The following IPO7 variants were observed in gnomAD, a reference collection of about 807,000 sequenced individuals.
IPO7 encodes importin-7.
A neutral mutation model predicts 136.4 loss-of-function variants in IPO7; 13 were observed. The observed-to-expected ratio is 0.10, with a 90% confidence interval of 0.06 to 0.15. The LOEUF (loss-of-function observed/expected upper bound fraction) is 0.15, where lower values mean the gene tolerates loss of function less well. IPO7 is among the 10% of genes least tolerant of loss of function. The pLI is 1.00. For synonymous variants in IPO7, 403 were observed against 404.4 expected (o/e 1.00, Z 0.04); for missense variants, 857 against 1,240.6 (o/e 0.69, Z 4.65).
At chr11:9,393,589 G>A (rs545155121) in intron 1 of IPO7, among the ~76,000 whole-genome samples, 2 of 152,124 alleles carry the variant, frequency 1.3e-5, no homozygotes, top group African/African-American at 2.4e-5. Flanking sequence ...CATCACGTTG[G>A]CCAGGCTGGT....
chr11:9,420,306 G>T, intron 6 of IPO7, 105 bp from the exon 7 acceptor site: 1 of 666,788 alleles, frequency 1.5e-6, no homozygotes, highest in Non-Finnish European at 2.6e-6. Flanking sequence ...AAAAAAAAAA[G>T]GCCAGCATTA....
intron 23 of IPO7, among the ~76,000 whole-genome samples, chr11:9,441,717 C>G (rs1855461985): frequency 6.6e-6 from 1 of 152,166 alleles, no homozygotes; most frequent in Non-Finnish European, 1.5e-5. Flanking sequence ...CCACAGTAGC[C>G]TTGATGATTT....
chr11:9,425,052 C>T (rs1313993978), intron 11 of IPO7, 62 bp downstream of exon 11: 2 of 1,329,890 alleles, frequency 1.5e-6, no homozygotes, highest in Non-Finnish European at 2.1e-6. Flanking sequence ...CAACTATACA[C>T]TTTTTAAATG....
intron 1 of IPO7, chr11:9,402,751 G>A (rs1226362841): frequency 1.9e-5 from 3 of 155,470 alleles, no homozygotes; most frequent in Non-Finnish European, 4.2e-5. Flanking sequence ...TACTCAGGAG[G>A]CTGAGGAAGG....
At chr11:9,409,566 G>T (rs1854939019) in intron 3 of IPO7, among the ~76,000 whole-genome samples, 1 of 152,100 alleles carries the variant, frequency 6.6e-6, no homozygotes, top group African/African-American at 2.4e-5. Context: ...TTTTAGTAGA[G>T]ATGGGGTTTC....
chr11:9,435,264 C>T (rs916041468), intron 19 of IPO7, among the ~76,000 whole-genome samples: 4 of 134,496 alleles, frequency 3.0e-5, no homozygotes, highest in East Asian at 2.1e-4. Context: ...TTAGAGTGCC[C>T]GGAGTTTAAC....
intron 2 of IPO7, among the ~76,000 whole-genome samples, chr11:9,406,827 T>G (rs908542110): frequency 6.6e-6 from 1 of 152,116 alleles, no homozygotes; most frequent in Non-Finnish European, 1.5e-5. Flanking sequence ...TGAGCTGAGA[T>G]TGTGCCATTG....
intron 1 of IPO7, among the ~76,000 whole-genome samples, chr11:9,391,104 A>G (rs1854626755): frequency 6.6e-6 from 1 of 152,038 alleles, no homozygotes; most frequent in Non-Finnish European, 1.5e-5. Context: ...TTTTTTTTTA[A>G]AGTTCCTAGT....
At chr11:9,430,472 A>C in intron 15 of IPO7, 1 of 168,046 alleles carries the variant, frequency 6.0e-6, no homozygotes, top group Non-Finnish European at 1.3e-5. Flanking sequence ...AATGCTCAAA[A>C]TAATCGATTG....
At chr11:9,392,002 A>G (rs188220721) in intron 1 of IPO7, among the ~76,000 whole-genome samples, 39 of 152,128 alleles carry the variant, frequency 2.6e-4, no homozygotes, top group African/African-American at 9.4e-4. Context: ...TGCTAGAATT[A>G]CAGGTGCGAG....
intron 1 of IPO7, chr11:9,392,320 GGTAT>G: frequency 3.3e-6 from 1 of 301,122 alleles, no homozygotes. Flanking sequence ...TGGGATTACA[GGTAT>G]GCATTACCAC....
chr11:9,441,380 C>T (rs962448241), intron 23 of IPO7, among the ~76,000 whole-genome samples: 6 of 152,290 alleles, frequency 3.9e-5, no homozygotes, highest in South Asian at 2.1e-4. Flanking sequence ...TTACCATCCA[C>T]GTTAAGAAAT....
At chr11:9,384,978 T>C in intron 1 of IPO7, 131 bp downstream of exon 1, 1 of 668,648 alleles carries the variant, frequency 1.5e-6, no homozygotes, top group Non-Finnish European at 2.5e-6. Flanking sequence ...GGCGGACATC[T>C]GACGGCGACT....
chr11:9,435,859 T>G (rs1855361900), intron 19 of IPO7, among the ~76,000 whole-genome samples: 1 of 152,206 alleles, frequency 6.6e-6, no homozygotes, highest in Admixed American at 6.5e-5. Flanking sequence ...TTATTGTTGT[T>G]TTCTTTTTTA....
chr11:9,443,764 G>A (rs1427815575), intron 24 of IPO7, among the ~76,000 whole-genome samples: 1 of 151,904 alleles, frequency 6.6e-6, no homozygotes, highest in East Asian at 1.9e-4. Flanking sequence ...GCCAGGCATG[G>A]TGGTGCATGC....
At position 9,408,906 on chromosome 11, in the gene IPO7, G is replaced by A. The variant is rs550920026; in HGVS notation, c.320+267G>A. On this transcript the variant is annotated intron_variant, in intron 3 of 24. Transcript: ENST00000379719. ...TTTTTGTATTTTTAGTAGAGACAGG[G>A]TTTCACCATGTTGGCGAGGATGGTC... Among the ~76,000 whole-genome samples the A allele has an allele frequency of 9.2e-5, 14 of 151,516 alleles. No individual in the cohort carries two copies. The South Asian group carries it at 2.9e-3, about 32-fold the overall frequency.
rs964190188 is a variant in IPO7 at position 9,384,653 on chromosome 11, C to T, written c.-111C>T. ...TCCGGGGCCTTGGCGCTTCTCTTTC[C>T]TTTCGCGCCGGTTGCCGCTGCGGAG... is the stretch of plus-strand genomic sequence containing the variant. On this transcript the variant is annotated 5_prime_UTR_variant, in exon 1 of 25. Transcript: ENST00000379719. 40 of 912,076 alleles carry T rather than the reference C, an allele frequency of 4.4e-5. No homozygotes were observed. Among genetic ancestry groups the T allele is most frequent in the African/African-American group, 1.2e-4 (7 of 57,502 alleles). 56.5% of individuals were successfully genotyped at this position (912,076 alleles called of 1,614,324 possible).
At chr11:9,411,407 A>G (rs1854966528) in intron 4 of IPO7, among the ~76,000 whole-genome samples, 1 of 152,218 alleles carries the variant, frequency 6.6e-6, no homozygotes, top group Non-Finnish European at 1.5e-5. Flanking sequence ...AACACAAAGA[A>G]CATATGAAGA....
chr11:9,433,270 G>A (rs1855325549), intron 16 of IPO7: 2 of 303,954 alleles, frequency 6.6e-6, no homozygotes, highest in East Asian at 1.6e-4. Context: ...ACAGGCGTGA[G>A]CCACCGCGCC....
Sources: gnomAD v4.1 joint callset for allele counts (sites outside exome capture counted in the v4.1 genomes callset) on GRCh38, gnomAD v4.1.1 for gene constraint, MANE v1.5 for transcripts, NCBI Gene and HGNC (gene_info 2026-07-23, HGNC 2026-07-21) for gene names.